Variants in BCL7C observed in about 807,000 individuals in gnomAD.
The protein encoded by BCL7C is BAF chromatin remodeling complex subunit BCL7C, also known as B-cell CLL/lymphoma 7 protein family member C.
A neutral mutation model predicts 26.2 loss-of-function variants in BCL7C; 8 were observed. The observed-to-expected ratio is 0.30, with a 90% confidence interval of 0.18 to 0.55. The LOEUF (loss-of-function observed/expected upper bound fraction) is 0.55. BCL7C is among the 20% of genes least tolerant of loss of function. BCL7C has a pLI of 0.93. For synonymous variants in BCL7C, 90 were observed against 116.5 expected, an observed-to-expected ratio of 0.77 and a Z score of 1.47; for missense variants, 262 against 298.5, an observed-to-expected ratio of 0.88 and a Z score of 0.90.
chr16:30,885,867 T>G (rs1428969193), downstream of BCL7C, among the ~76,000 whole-genome samples: 5 of 152,180 alleles, frequency 3.3e-5, no homozygotes, highest in Non-Finnish European at 7.3e-5. Context: ...CTTTGTTTGT[T>G]TAGACACAGG....
chr16:30,872,345 T>C (rs2054889010), intron 5 of BCL7C, among the ~76,000 whole-genome samples: 1 of 152,082 alleles, frequency 6.6e-6, no homozygotes, highest in Non-Finnish European at 1.5e-5. Flanking sequence ...GCCTAGAGAC[T>C]CTGGTGCCCA....
rs1182876435 is a variant in BCL7C, at chr16:30,854,704, TTTC to T, written c.529-19559_529-19557del. Among the ~76,000 whole-genome samples, 536 of 69,988 alleles carry T rather than the reference TTTC, an allele frequency of 7.7e-3. 6 individuals carry two copies. The highest frequency in any genetic ancestry group is 0.025 in the African/African-American group (507 of 20,648). 45.9% of individuals were successfully genotyped at this position (69,988 alleles called of 152,430 possible). On this transcript the variant is annotated intron_variant, in intron 5 of 5. Coordinates refer to the BCL7C transcript ENST00000380317. The stretch of plus-strand genomic sequence containing the variant: ...CAGCACTCACAGACTCACCACTCAC[TTTC>T]TTTTTTTTTTTTTTTCTGAGAAACA...
In BCL7C at chr16:30,834,379, C is replaced by T. The variant is rs2054557075; in HGVS notation, c.*569G>A. 1 of 152,308 alleles carries T rather than the reference C, an allele frequency of 6.6e-6. No individual in the cohort carries two copies. The highest frequency in any genetic ancestry group is 1.5e-5 in the Non-Finnish European group (1 of 68,086). The allele number at this position is 152,308 out of a possible 1,614,324, so 9.4% of individuals were successfully genotyped here. Reference sequence around the variant, plus strand: ...CTCCCAGCGCTGGCATACATAAGCCCTGGCGTGCGGGGCGGCTTCTGCGCT... The same window carrying T: ...CTCCCAGCGCTGGCATACATAAGCCTTGGCGTGCGGGGCGGCTTCTGCGCT... On this transcript the variant is annotated 3_prime_UTR_variant, in exon 6 of 6. Transcript: ENST00000380317. This position sits in a 1 kb window ranked among gnomAD's most constrained non-coding sequence, Gnocchi z 4.3.
At chr16:30,864,851 C>G (rs1250022062) in intron 5 of BCL7C, among the ~76,000 whole-genome samples, 1 of 136,788 alleles carries the variant, frequency 7.3e-6, no homozygotes, top group East Asian at 2.7e-4. Context: ...CCCCCACCCC[C>G]CCACCCTTAA....
downstream of BCL7C, among the ~76,000 whole-genome samples, chr16:30,885,391 G>T (rs940040467): frequency 6.6e-6 from 1 of 151,910 alleles, no homozygotes; most frequent in African/African-American, 2.4e-5. Flanking sequence ...AACTGTAAGA[G>T]AATCAATGTC....
intron 5 of BCL7C, among the ~76,000 whole-genome samples, chr16:30,870,575 T>C (rs1260211296): frequency 6.6e-6 from 1 of 151,786 alleles, no homozygotes; most frequent in Non-Finnish European, 1.5e-5. Context: ...CTCAGGAAGA[T>C]CAAGCAGGAG....
intron 5 of BCL7C, among the ~76,000 whole-genome samples, chr16:30,873,677 C>G (rs1232150535): frequency 6.6e-6 from 1 of 151,404 alleles, no homozygotes; most frequent in African/African-American, 2.4e-5. Flanking sequence ...ATAGCAAAAC[C>G]CTGTCTCTAC....
intron 5 of BCL7C, among the ~76,000 whole-genome samples, chr16:30,859,318 A>C (rs1239868523): frequency 6.6e-6 from 1 of 152,192 alleles, no homozygotes; most frequent in Non-Finnish European, 1.5e-5. Flanking sequence ...GAAGTGAGTA[A>C]TGAAAATCCT....
downstream of BCL7C, among the ~76,000 whole-genome samples, chr16:30,883,603 G>A (rs893331790): frequency 1.9e-4 from 21 of 113,324 alleles, no homozygotes; most frequent in East Asian, 6.1e-4. Flanking sequence ...GGCAACCTCC[G>A]CCTCCCACGT....
intron 5 of BCL7C, among the ~76,000 whole-genome samples, chr16:30,880,583 G>A (rs1172486055): frequency 2.6e-5 from 4 of 152,072 alleles, no homozygotes; most frequent in Non-Finnish European, 5.9e-5. Context: ...GTTGACTCTG[G>A]GGAGTTGGAG....
chr16:30,891,032 A>G (rs80095680), intron 4 of BCL7C, among the ~76,000 whole-genome samples: 37,384 of 151,494 alleles, frequency 0.25, 5,232 homozygotes, highest in South Asian at 0.68. Flanking sequence ...TCAGCCGGGC[A>G]TGGTGGCATG....
intron 5 of BCL7C, among the ~76,000 whole-genome samples, chr16:30,838,706 A>C (rs1490577450): frequency 6.6e-6 from 1 of 152,138 alleles, no homozygotes; most frequent in Non-Finnish European, 1.5e-5. Context: ...AATTGCTTGA[A>C]CCCAGGAGGC....
At chr16:30,881,519 G>A (rs2055043889) in intron 5 of BCL7C, among the ~76,000 whole-genome samples, 1 of 152,114 alleles carries the variant, frequency 6.6e-6, no homozygotes, top group African/African-American at 2.4e-5. Flanking sequence ...CTTGACAGTG[G>A]CCTCTGAGCA....
intron 5 of BCL7C, among the ~76,000 whole-genome samples, chr16:30,857,864 G>A (rs1432691410): frequency 2.0e-5 from 3 of 151,782 alleles, no homozygotes; most frequent in South Asian, 2.1e-4. Context: ...CCAGCTACTC[G>A]GGAGGCTGAG....
At chr16:30,836,027 C>A (rs976456733) in intron 5 of BCL7C, among the ~76,000 whole-genome samples, 4 of 148,098 alleles carry the variant, frequency 2.7e-5, no homozygotes, top group African/African-American at 1.0e-4. Flanking sequence ...CTGAGGTGGG[C>A]GGATCACTTG....
intron 5 of BCL7C, among the ~76,000 whole-genome samples, chr16:30,859,674 T>C (rs1185704057): frequency 6.6e-6 from 1 of 152,156 alleles, no homozygotes; most frequent in Non-Finnish European, 1.5e-5. Context: ...TCCCCTGCCC[T>C]TAAGAAGGTA....
At chr16:30,889,899 C>G (rs1446841720) in intron 4 of BCL7C, among the ~76,000 whole-genome samples, 1 of 146,988 alleles carries the variant, frequency 6.8e-6, no homozygotes, top group African/African-American at 2.5e-5. Context: ...GCATTCCAGC[C>G]TGGGCGACAG....
rs2055158140 is a variant in BCL7C, at chr16:30,887,857, C to A, written c.*8G>T. On this transcript the variant is annotated 3_prime_UTR_variant, in exon 6 of 6. Coordinates refer to ENST00000215115, the MANE Select transcript of BCL7C (RefSeq NM_004765.4). Reference sequence around the variant, plus strand: ...CCCCTGGGGCAACAGGACAGGCAGGCCGGCTTCTCAGGGGTCAGGGGCATT... The same window carrying A: ...CCCCTGGGGCAACAGGACAGGCAGGACGGCTTCTCAGGGGTCAGGGGCATT... 3 of 1,566,960 alleles carry A rather than the reference C, an allele frequency of 1.9e-6. No homozygotes were observed. In the African/African-American group the frequency reaches 4.2e-5, roughly 22 times the overall value.
downstream of BCL7C, among the ~76,000 whole-genome samples, chr16:30,884,687 A>C (rs182946948): frequency 5.3e-5 from 8 of 152,094 alleles, no homozygotes; most frequent in Non-Finnish European, 1.0e-4. Flanking sequence ...TAGTAGAGAC[A>C]GGGTTTCACC....
Sources: allele counts gnomAD v4.1 joint callset (sites outside exome capture counted in the v4.1 genomes callset), GRCh38; gene constraint gnomAD v4.1.1; non-coding constraint Gnocchi (gnomAD v3.1); transcripts MANE v1.5; gene names NCBI Gene and HGNC (gene_info 2026-07-23, HGNC 2026-07-21).